PPM1L: variants seen among roughly 807,000 people sequenced by gnomAD.
PPM1L encodes the protein protein phosphatase, Mg2+/Mn2+ dependent 1L.
In PPM1L, 13 loss-of-function variants were observed where a neutral mutation model predicts 31.4. That is an observed-to-expected ratio of 0.41 (90% CI 0.27 to 0.66). The LOEUF is 0.66. Among genes scored for constraint, PPM1L ranks in the 30% least tolerant of loss-of-function variants. The probability of loss-of-function intolerance (pLI) is 0.29; values close to 1 mark genes in which losing one functional copy is unlikely to be tolerated. For synonymous variants in PPM1L, 184 were observed against 175.4 expected (o/e 1.05, Z -0.39); for missense variants, 326 against 453.7 (o/e 0.72, Z 2.56).
chr3:160,756,776 T>G lies in PPM1L; in HGVS notation c.399+69T>G. On this transcript the variant is annotated intron_variant, in intron 1 of 3. Coordinates refer to ENST00000498165, the MANE Select transcript of PPM1L (RefSeq NM_139245.4). This position sits in a 1 kb window ranked among gnomAD's most constrained non-coding sequence, Gnocchi z 6.2. ...TCGTGTGTGTGTGTGTGTGTGTGTGTGTGTGTGTGTGTGTATAAACAACAG... is the reference window on the plus strand; with the variant it reads ...TCGTGTGTGTGTGTGTGTGTGTGTGGGTGTGTGTGTGTGTATAAACAACAG... The G allele has an allele frequency of 7.1e-7, 1 of 1,413,344 alleles. No homozygotes were observed. The highest frequency in any genetic ancestry group is 1.5e-5 in the African/African-American group (1 of 65,546). 87.6% of individuals were successfully genotyped at this position (1,413,344 alleles called of 1,614,324 possible).
intron 1 of PPM1L, among the ~76,000 whole-genome samples, chr3:160,774,213 C>T (rs1308613535): frequency 3.9e-5 from 6 of 152,180 alleles, no homozygotes; most frequent in African/African-American, 7.2e-5. Context: ...TCCGCCACTC[C>T]TGAAGCTGCT....
At chr3:160,978,707 A>G (rs1315950118) in intron 2 of PPM1L, among the ~76,000 whole-genome samples, 4 of 151,962 alleles carry the variant, frequency 2.6e-5, no homozygotes, top group Non-Finnish European at 1.5e-5. Context: ...GTGCATACCC[A>G]TAGTCCCAGT....
At chr3:160,954,328 T>C (rs1298206132) in intron 1 of PPM1L, among the ~76,000 whole-genome samples, 1 of 152,180 alleles carries the variant, frequency 6.6e-6, no homozygotes, top group East Asian at 1.9e-4. Context: ...ATTCACCCTT[T>C]TTTTTTTCCT....
At chr3:161,067,514 T>C (rs1719776364) in intron 3 of PPM1L, among the ~76,000 whole-genome samples, 1 of 152,248 alleles carries the variant, frequency 6.6e-6, no homozygotes, top group Non-Finnish European at 1.5e-5. Context: ...CCTTATACTG[T>C]TTCCAACAAC....
At chr3:160,872,928 GA>G (rs1245042964) in intron 1 of PPM1L, among the ~76,000 whole-genome samples, 1 of 151,278 alleles carries the variant, frequency 6.6e-6, no homozygotes, top group Admixed American at 6.6e-5. Flanking sequence ...CTCTGTCTGG[GA>G]AAAAAAAGAA....
intron 1 of PPM1L, among the ~76,000 whole-genome samples, chr3:160,797,920 C>G (rs1015496879): frequency 2.0e-5 from 3 of 152,188 alleles, no homozygotes; most frequent in Admixed American, 2.0e-4. Flanking sequence ...TGGCTCACGC[C>G]TGTAATCCCA....
intron 1 of PPM1L, among the ~76,000 whole-genome samples, chr3:160,760,528 A>G (rs1042544709): frequency 4.6e-5 from 7 of 152,168 alleles, no homozygotes; most frequent in Admixed American, 3.3e-4. Context: ...CAGTGTGTGT[A>G]TGTGTCTAAA....
At chr3:160,778,780 A>G (rs1019184512) in intron 1 of PPM1L, among the ~76,000 whole-genome samples, 2 of 152,160 alleles carry the variant, frequency 1.3e-5, no homozygotes, top group African/African-American at 4.8e-5. Flanking sequence ...ATCCTACAGA[A>G]CACAGGACAG....
intron 2 of PPM1L, among the ~76,000 whole-genome samples, chr3:161,057,392 G>A (rs1285520190): frequency 2.0e-5 from 3 of 152,052 alleles, no homozygotes; most frequent in African/African-American, 7.2e-5. Flanking sequence ...TTTGAGAATC[G>A]AGTGCCAGAA....
chr3:160,766,262 G>A (rs1040663382), intron 1 of PPM1L, among the ~76,000 whole-genome samples: 5 of 152,116 alleles, frequency 3.3e-5, no homozygotes, highest in South Asian at 4.1e-4. Flanking sequence ...GCTATGAAAA[G>A]CTGCTTAAAA....
At chr3:160,886,477 T>C (rs1220299618) in intron 1 of PPM1L, among the ~76,000 whole-genome samples, 2 of 152,104 alleles carry the variant, frequency 1.3e-5, no homozygotes, top group African/African-American at 4.8e-5. Context: ...CCCCTTGAGG[T>C]CAGAGATCCC....
intron 1 of PPM1L, among the ~76,000 whole-genome samples, chr3:160,943,059 TAAG>T (rs1400206674): frequency 1.3e-5 from 2 of 152,208 alleles, no homozygotes; most frequent in South Asian, 2.1e-4. Context: ...CTTTCTCCAG[TAAG>T]AAGGTTAAAC....
chr3:160,759,780 A>G (rs113720105), intron 1 of PPM1L, among the ~76,000 whole-genome samples: 4 of 152,170 alleles, frequency 2.6e-5, no homozygotes, highest in Admixed American at 6.5e-5. Flanking sequence ...GATTAGCAGC[A>G]TAGGTTTTGA....
At chr3:160,986,424 G>T (rs1349264095) in intron 2 of PPM1L, among the ~76,000 whole-genome samples, 1 of 151,966 alleles carries the variant, frequency 6.6e-6, no homozygotes, top group Non-Finnish European at 1.5e-5. Context: ...ACAATTTAGA[G>T]AACCCTCTTT....
chr3:160,778,628 C>G (rs949387385), intron 1 of PPM1L, among the ~76,000 whole-genome samples: 1 of 152,182 alleles, frequency 6.6e-6, no homozygotes, highest in Non-Finnish European at 1.5e-5. Flanking sequence ...ACTGAGAGAC[C>G]TGTCCCAGTG....
At chr3:160,978,321 C>T (rs1158716744) in intron 2 of PPM1L, among the ~76,000 whole-genome samples, 1 of 152,132 alleles carries the variant, frequency 6.6e-6, no homozygotes, top group Non-Finnish European at 1.5e-5. Context: ...CAGGGAATCT[C>T]CAGGGGAGGA....
intron 1 of PPM1L, among the ~76,000 whole-genome samples, chr3:160,796,502 CAT>C (rs1167704785): frequency 6.6e-6 from 1 of 152,100 alleles, no homozygotes; most frequent in Non-Finnish European, 1.5e-5. Context: ...AGAATGTACA[CAT>C]AGAAGAATCA....
At chr3:160,784,634 TA>T (rs2108068736) in intron 1 of PPM1L, among the ~76,000 whole-genome samples, 1 of 152,338 alleles carries the variant, frequency 6.6e-6, no homozygotes, top group African/African-American at 2.4e-5. Flanking sequence ...TAATACTTAT[TA>T]AATGTCTTTT....
intron 1 of PPM1L, among the ~76,000 whole-genome samples, chr3:160,790,040 T>C (rs567174864): frequency 2.1e-4 from 32 of 152,196 alleles, no homozygotes; most frequent in Non-Finnish European, 3.5e-4. Flanking sequence ...CTGTATTCTT[T>C]AGTGAATAAT....
Sources: allele counts gnomAD v4.1 joint callset (sites outside exome capture counted in the v4.1 genomes callset), GRCh38; gene constraint gnomAD v4.1.1; non-coding constraint Gnocchi (gnomAD v3.1); transcripts MANE v1.5; gene names NCBI Gene and HGNC (gene_info 2026-07-23, HGNC 2026-07-21).